Variants in NPLOC4 observed in about 807,000 individuals in gnomAD.
NPLOC4 encodes the protein nuclear protein localization protein 4 homolog.
Under a neutral mutation model 80.6 loss-of-function variants are expected in NPLOC4, and 18 were observed. The ratio of observed to expected loss-of-function variants is 0.22; its 90% CI spans 0.15 to 0.33. The LOEUF (loss-of-function observed/expected upper bound fraction) is 0.33, where lower values mean the gene tolerates loss of function less well. Among genes scored for constraint, NPLOC4 ranks in the 10% least tolerant of loss-of-function variants. The probability of loss-of-function intolerance (pLI) is 1.00; values close to 1 mark genes in which losing one functional copy is unlikely to be tolerated. For missense variants in NPLOC4, 540 were observed against 786.1 expected (o/e 0.69, Z 3.74); for synonymous variants, 313 against 301.5 (o/e 1.04, Z -0.39).
intron 3 of NPLOC4, among the ~76,000 whole-genome samples, chr17:81,616,536 C>G (rs1427653161): frequency 6.6e-6 from 1 of 151,734 alleles, no homozygotes; most frequent in Non-Finnish European, 1.5e-5. Context: ...TGAGACGATC[C>G]TGGCTAACAC....
At chr17:81,611,626 A>G (rs979784848) in intron 4 of NPLOC4, among the ~76,000 whole-genome samples, 6 of 151,560 alleles carry the variant, frequency 4.0e-5, no homozygotes, top group African/African-American at 1.5e-4. Flanking sequence ...CTGGGATTAC[A>G]GGTGTGAGCA....
In NPLOC4 at chr17:81,558,876, A is replaced by T; in HGVS notation, c.*383T>A. Reference sequence around the variant, plus strand: ...AAAAACATGGGGGCAGGGAGGCCAAACAAAAAGCACTGAAAATAAAGAGAA... The same window carrying T: ...AAAAACATGGGGGCAGGGAGGCCAATCAAAAAGCACTGAAAATAAAGAGAA... On this transcript the variant is annotated 3_prime_UTR_variant, in exon 17 of 17. Transcript: ENST00000331134. 6.2e-6 allele frequency: 1 copy of T among 161,696 alleles called. No individual in the cohort carries two copies. Among genetic ancestry groups the T allele is most frequent in the Non-Finnish European group, 1.3e-5 (1 of 74,400 alleles). The allele number at this position is 161,696 out of a possible 1,614,324, so 10.0% of individuals were successfully genotyped here. A position where few individuals can be genotyped will look rare whatever the true frequency, so the allele number is the denominator to read the frequency against.
At chr17:81,615,574 A>ACAGCAGC (rs1429737484) in intron 3 of NPLOC4, among the ~76,000 whole-genome samples, 5 of 152,236 alleles carry the variant, frequency 3.3e-5, no homozygotes, top group Non-Finnish European at 7.3e-5. Flanking sequence ...GTGCACTCAG[A>ACAGCAGC]CAGCAGCCAG....
At chr17:81,618,395 G>A (rs934341977) in intron 3 of NPLOC4, among the ~76,000 whole-genome samples, 3 of 151,490 alleles carry the variant, frequency 2.0e-5, no homozygotes, top group Non-Finnish European at 4.4e-5. Flanking sequence ...CGCCCCGTCT[G>A]AGAAGTGAGG....
chr17:81,589,131 G>A (rs201788859), intron 11 of NPLOC4, 27 bp from the exon 12 acceptor site: 1 of 1,600,698 alleles, frequency 6.2e-7, no homozygotes. Context: ...TTTAAAAAGA[G>A]TCTACCAAAC....
chr17:81,606,591 C>A, intron 7 of NPLOC4, 100 bp downstream of exon 7: 1 of 1,258,560 alleles, frequency 7.9e-7, no homozygotes, highest in Non-Finnish European at 1.1e-6. Context: ...TGAAAATCCA[C>A]CACGCATAGT....
intron 1 of NPLOC4, among the ~76,000 whole-genome samples, chr17:81,631,162 CA>C (rs887460376): frequency 9.7e-5 from 14 of 143,726 alleles, no homozygotes; most frequent in Admixed American, 9.1e-4. Flanking sequence ...GACTTCGTCT[CA>C]AAAAAAAAGT....
intron 1 of NPLOC4, among the ~76,000 whole-genome samples, chr17:81,631,436 A>ATTTTT (rs70938164): frequency 8.5e-6 from 1 of 117,070 alleles, no homozygotes; most frequent in Non-Finnish European, 1.8e-5. Flanking sequence ...ATATATATAT[A>ATTTTT]TTTTTTTTTT....
intron 14 of NPLOC4, among the ~76,000 whole-genome samples, chr17:81,568,308 C>CA (rs2034068653): frequency 6.6e-6 from 1 of 152,162 alleles, no homozygotes; most frequent in African/African-American, 2.4e-5. Context: ...TCAGCAGAAC[C>CA]AAACACAGAG....
intron 8 of NPLOC4, among the ~76,000 whole-genome samples, chr17:81,602,370 C>A (rs1464691793): frequency 6.6e-6 from 1 of 151,672 alleles, no homozygotes; most frequent in Non-Finnish European, 1.5e-5. Context: ...CACACAGAGA[C>A]CCTCCCTGTA....
chr17:81,612,923 A>G (rs570878337), intron 4 of NPLOC4: 245 of 164,646 alleles, frequency 1.5e-3, no homozygotes, highest in Non-Finnish European at 2.1e-3. Flanking sequence ...CGCACACACA[A>G]CCACCTGCCC....
intron 1 of NPLOC4, 75 bp from the exon 2 acceptor site, chr17:81,629,880 G>A: frequency 9.1e-7 from 1 of 1,100,702 alleles, no homozygotes; most frequent in Non-Finnish European, 1.4e-6. Flanking sequence ...TTCCATCTGT[G>A]GTCTTTTAGC....
intron 11 of NPLOC4, among the ~76,000 whole-genome samples, chr17:81,592,386 G>A (rs922361096): frequency 3.9e-5 from 6 of 152,106 alleles, no homozygotes; most frequent in Admixed American, 6.6e-5. Flanking sequence ...CTCCTCAGTC[G>A]GCCACCACCC....
chr17:81,619,621 G>A (rs1056614918), intron 3 of NPLOC4, among the ~76,000 whole-genome samples: 1 of 151,622 alleles, frequency 6.6e-6, no homozygotes, highest in Non-Finnish European at 1.5e-5. Context: ...GCTTACATCT[G>A]TAATGCCAAC....
intron 5 of NPLOC4, 103 bp from the exon 6 acceptor site, chr17:81,608,925 CAAGT>C: frequency 6.3e-6 from 5 of 788,772 alleles, no homozygotes; most frequent in Non-Finnish European, 1.1e-5. Flanking sequence ...ATGGCCTTGG[CAAGT>C]CAAGGCCCAC....
At chr17:81,619,579 A>T (rs946819416) in intron 3 of NPLOC4, among the ~76,000 whole-genome samples, 14 of 149,656 alleles carry the variant, frequency 9.4e-5, no homozygotes, top group Non-Finnish European at 1.6e-4. Context: ...GAAAGAAAAG[A>T]AAAGAAAAAA....
At chr17:81,622,083 G>C in intron 3 of NPLOC4, 83 bp downstream of exon 3, 3 of 902,560 alleles carry the variant, frequency 3.3e-6, no homozygotes, top group Admixed American at 3.6e-5. Flanking sequence ...GATGAGGAAA[G>C]AGGATAAAAC....
chr17:81,618,611 G>GC (rs1328201467), intron 3 of NPLOC4, among the ~76,000 whole-genome samples: 3 of 134,508 alleles, frequency 2.2e-5, no homozygotes, highest in South Asian at 2.6e-4. Flanking sequence ...CCAGCCAGCC[G>GC]CCCGTCTGGG....
chr17:81,607,243 T>A (rs879567259), intron 6 of NPLOC4, among the ~76,000 whole-genome samples: 1 of 152,206 alleles, frequency 6.6e-6, no homozygotes, highest in Non-Finnish European at 1.5e-5. Flanking sequence ...TTCTTATTCA[T>A]GGGAAAAATC....
Sources: allele counts gnomAD v4.1 joint callset (sites outside exome capture counted in the v4.1 genomes callset), GRCh38; gene constraint gnomAD v4.1.1; transcripts MANE v1.5; gene names NCBI Gene and HGNC (gene_info 2026-07-23, HGNC 2026-07-21).